The following CRPPA variants were observed in gnomAD, a reference collection of about 807,000 sequenced individuals.
CRPPA encodes the protein D-ribitol-5-phosphate cytidylyltransferase.
In CRPPA, 43 loss-of-function variants were observed where a neutral mutation model predicts 52.0. That is an observed-to-expected ratio of 0.83 (90% CI 0.65 to 1.07). The LOEUF (loss-of-function observed/expected upper bound fraction) is 1.07, where lower values mean the gene tolerates loss of function less well. Among genes scored for constraint, CRPPA ranks in the 50% least tolerant of loss-of-function variants. The pLI, the probability that CRPPA is intolerant of heterozygous loss-of-function variation, is 0.00. For synonymous variants in CRPPA, 250 were observed against 203.5 expected (o/e 1.23, Z -1.94); for missense variants, 629 against 551.7 (o/e 1.14, Z -1.40).
intron 3 of CRPPA, among the ~76,000 whole-genome samples, chr7:16,358,403 G>C (rs1023500777): frequency 6.6e-6 from 1 of 152,114 alleles, no homozygotes; most frequent in Non-Finnish European, 1.5e-5. Context: ...ATATATAAAG[G>C]TAGCTCTTAC....
chr7:16,405,919 A>G (rs1372761828), intron 2 of CRPPA, 142 bp downstream of exon 2: 1 of 753,652 alleles, frequency 1.3e-6, no homozygotes, highest in Non-Finnish European at 2.1e-6. Context: ...TAAAGTTACT[A>G]CAACAAATCA....
At chr7:16,411,687 G>A (rs1283552700) in intron 1 of CRPPA, among the ~76,000 whole-genome samples, 1 of 151,758 alleles carries the variant, frequency 6.6e-6, no homozygotes, top group Non-Finnish European at 1.5e-5. Context: ...TGAATAATTA[G>A]GCATAAAAAC....
chr7:16,374,860 C>T (rs1786841970), intron 3 of CRPPA, among the ~76,000 whole-genome samples: 1 of 152,174 alleles, frequency 6.6e-6, no homozygotes, highest in Non-Finnish European at 1.5e-5. Context: ...CAGCTACCTC[C>T]TCCCATTTCT....
chr7:16,390,720 T>A (rs1787417791), intron 2 of CRPPA, among the ~76,000 whole-genome samples: 1 of 152,180 alleles, frequency 6.6e-6, no homozygotes, highest in South Asian at 2.1e-4. Context: ...AAATGACTTG[T>A]GAATCACACG....
intron 2 of CRPPA, among the ~76,000 whole-genome samples, chr7:16,405,383 C>T (rs1415896771): frequency 6.6e-6 from 1 of 152,066 alleles, no homozygotes; most frequent in Non-Finnish European, 1.5e-5. Context: ...AATAAAAAGA[C>T]AGATTTGGAC....
At chr7:16,213,067 T>C (rs1433734033) in intron 9 of CRPPA, among the ~76,000 whole-genome samples, 2 of 152,196 alleles carry the variant, frequency 1.3e-5, no homozygotes, top group Admixed American at 6.5e-5. Context: ...AATATTTGCA[T>C]TAAAAAGTCA....
At chr7:16,258,268 A>G (rs984854320) in intron 8 of CRPPA, 122 bp downstream of exon 8, 1 of 543,302 alleles carries the variant, frequency 1.8e-6, no homozygotes, top group South Asian at 3.1e-5. Flanking sequence ...GGAATCCACA[A>G]ACAAGAGTTT....
intron 9 of CRPPA, among the ~76,000 whole-genome samples, chr7:16,111,053 A>T (rs1162501966): frequency 6.6e-6 from 1 of 152,092 alleles, no homozygotes. Flanking sequence ...ATATTTAAGT[A>T]GCTCAAACAT....
At chr7:16,203,127 A>G (rs1781894768) in intron 9 of CRPPA, among the ~76,000 whole-genome samples, 1 of 152,220 alleles carries the variant, frequency 6.6e-6, no homozygotes, top group Non-Finnish European at 1.5e-5. Flanking sequence ...ATAATTCCAC[A>G]GTTAATTAGC....
chr7:16,258,946 G>C lies in CRPPA; in HGVS notation c.1000C>G (p.Gln334Glu), dbSNP rs760530856. ...GRHLQQIILD[Q>E]CYNFVCVNVT... ...TTCACACAAACAAAATTGTAGCATT[G>C]ATCTAAGATGATTTGCTGAAGATGT... Residue 334 changes from glutamine to glutamate, a missense_variant, in exon 7 of 10, where the codon CAA becomes GAA. Gln to Glu is a conservative substitution (Grantham distance 29). Transcript: ENST00000407010. 3 of 1,610,456 alleles carry C rather than the reference G, an allele frequency of 1.9e-6. No individual in the cohort carries two copies. In the East Asian group the frequency reaches 6.7e-5, roughly 36 times the overall value.
chr7:16,249,996 C>T (rs1224842267), intron 8 of CRPPA, among the ~76,000 whole-genome samples: 1 of 152,062 alleles, frequency 6.6e-6, no homozygotes, highest in Non-Finnish European at 1.5e-5. Context: ...AAAGGTTAGA[C>T]AAATAGCTAA....
chr7:16,380,932 A>G (rs573720165), intron 2 of CRPPA, among the ~76,000 whole-genome samples: 1 of 151,838 alleles, frequency 6.6e-6, no homozygotes, highest in East Asian at 1.9e-4. Context: ...TGATCCTTTC[A>G]AAAAACCAGC....
chr7:16,201,756 G>A (rs914072935), intron 9 of CRPPA, among the ~76,000 whole-genome samples: 1 of 152,262 alleles, frequency 6.6e-6, no homozygotes, highest in Admixed American at 6.5e-5. Flanking sequence ...GAGCAAAACA[G>A]CTGCAACTGT....
intron 9 of CRPPA, among the ~76,000 whole-genome samples, chr7:16,188,193 C>T (rs1781542891): frequency 1.3e-5 from 2 of 151,750 alleles, no homozygotes; most frequent in Admixed American, 6.6e-5. Context: ...ACTGTGTTAG[C>T]CAGGATGGTC....
chr7:16,148,792 T>C (rs796200409), intron 9 of CRPPA, among the ~76,000 whole-genome samples: 1 of 152,242 alleles, frequency 6.6e-6, no homozygotes, highest in African/African-American at 2.4e-5. Flanking sequence ...AATTTTTGCA[T>C]ATATTTATAA....
At chr7:16,420,951 CTG>C in intron 1 of CRPPA, 113 bp downstream of exon 1, 1 of 948,692 alleles carries the variant, frequency 1.1e-6, no homozygotes, top group East Asian at 3.3e-5. Flanking sequence ...GCTTGAATAA[CTG>C]AGCGCGGCCC....
intron 9 of CRPPA, among the ~76,000 whole-genome samples, chr7:16,192,204 A>T (rs1781629120): frequency 6.6e-6 from 1 of 152,134 alleles, no homozygotes; most frequent in Non-Finnish European, 1.5e-5. Flanking sequence ...AAGAGAACAG[A>T]GGCATCCTCT....
At chr7:16,192,524 AAATGT>A (rs1781636415) in intron 9 of CRPPA, among the ~76,000 whole-genome samples, 1 of 152,122 alleles carries the variant, frequency 6.6e-6, no homozygotes, top group Non-Finnish European at 1.5e-5. Flanking sequence ...ATGCTGATTA[AAATGT>A]AGAACATTTC....
At chr7:16,198,587 T>C (rs1348009971) in intron 9 of CRPPA, among the ~76,000 whole-genome samples, 1 of 141,218 alleles carries the variant, frequency 7.1e-6, no homozygotes, top group African/African-American at 2.7e-5. Context: ...GGTCCCCTTA[T>C]TTCTTTCTCT....
Sources: gnomAD v4.1 joint callset for allele counts (sites outside exome capture counted in the v4.1 genomes callset) on GRCh38, gnomAD v4.1.1 for gene constraint, MANE v1.5 for transcripts, NCBI Gene and HGNC (gene_info 2026-07-23, HGNC 2026-07-21) for gene names.